The following LDB2 variants were observed in gnomAD, a reference collection of about 807,000 sequenced individuals.
LDB2 encodes LIM domain binding 2.
In LDB2, 12 loss-of-function variants were observed where a neutral mutation model predicts 44.3. The ratio of observed to expected loss-of-function variants is 0.27; its 90% CI spans 0.17 to 0.44. LDB2 has a LOEUF of 0.44. Among genes scored for constraint, LDB2 ranks in the 20% least tolerant of loss-of-function variants. The pLI, the probability that LDB2 is intolerant of heterozygous loss-of-function variation, is 1.00. For synonymous variants in LDB2, 164 were observed against 174.8 expected (o/e 0.94, Z 0.49); for missense variants, 344 against 473.5 (o/e 0.73, Z 2.54).
chr4:16,689,703 G>A (rs1750156391), intron 2 of LDB2, among the ~76,000 whole-genome samples: 1 of 152,298 alleles, frequency 6.6e-6, no homozygotes, highest in South Asian at 2.1e-4. Context: ...AAAAATATGG[G>A]ACCTAGGCCC....
chr4:16,567,031 G>A (rs1395883225), intron 5 of LDB2, among the ~76,000 whole-genome samples: 2 of 152,146 alleles, frequency 1.3e-5, no homozygotes, highest in Non-Finnish European at 2.9e-5. Flanking sequence ...TATGCTGCTG[G>A]TGTAACTGAA....
rs189893502 is a variant in LDB2, at chr4:16,766,799, G to T, written c.133-7539C>A. Among the ~76,000 whole-genome samples the T allele has an allele frequency of 1.1e-4, 16 of 151,946 alleles. No individual in the cohort carries two copies. In the East Asian group the frequency reaches 2.9e-3, roughly 28 times the overall value. On this transcript the variant is annotated intron_variant, in intron 1 of 7. Coordinates refer to ENST00000304523, the MANE Select transcript of LDB2 (RefSeq NM_001290.5). ...GGGATTACAGGCATGAGCGTGCTTG[G>T]CCCCAATTTATATATTGGGGTCTCT...
At chr4:16,649,928 T>G (rs1479324096) in intron 2 of LDB2, among the ~76,000 whole-genome samples, 2 of 152,228 alleles carry the variant, frequency 1.3e-5, no homozygotes, top group Non-Finnish European at 2.9e-5. Context: ...GCAAGTAATA[T>G]TCATATTTTC....
intron 5 of LDB2, among the ~76,000 whole-genome samples, chr4:16,532,163 T>C (rs1577428293): frequency 6.6e-6 from 1 of 152,182 alleles, no homozygotes. Flanking sequence ...ATTTTAGGTA[T>C]GCCAAAAAAG....
rs1193060149 is a variant in LDB2, at chr4:16,710,135, G to A, written c.235+49023C>T. On this transcript the variant is annotated intron_variant, in intron 2 of 7. Transcript: ENST00000304523. Reference sequence around the variant, plus strand: ...ACATATAAACAGAGAGTTTAAAGTGGAGACTGATGGGATGGGAAGAAGAAT... The same window carrying A: ...ACATATAAACAGAGAGTTTAAAGTGAAGACTGATGGGATGGGAAGAAGAAT... Among the ~76,000 whole-genome samples, 8 of 152,288 alleles carry A rather than the reference G, an allele frequency of 5.3e-5. No homozygotes were observed. In the East Asian group the frequency reaches 5.8e-4, roughly 11 times the overall value.
chr4:16,656,322 G>A lies in LDB2; in HGVS notation c.236-60447C>T, dbSNP rs374960397. On this transcript the variant is annotated intron_variant, in intron 2 of 7. Transcript: ENST00000304523. The stretch of plus-strand genomic sequence containing the variant: ...ATATTTGGGTTCTGAGTACCACAGA[G>A]TAGAAAAGCAGGGAGTCAGAAGGAG... Among the ~76,000 whole-genome samples the A allele has an allele frequency of 4.8e-4, 73 of 152,320 alleles. No individual in the cohort carries two copies. The East Asian group carries it at 0.013, about 28-fold the overall frequency.
intron 2 of LDB2, among the ~76,000 whole-genome samples, chr4:16,749,569 A>T (rs1401075929): frequency 5.8e-4 from 81 of 138,562 alleles, no homozygotes; most frequent in African/African-American, 9.9e-4. Flanking sequence ...AAAAAAAAAA[A>T]AAATAAAAAA....
intron 2 of LDB2, among the ~76,000 whole-genome samples, chr4:16,740,251 C>G (rs572713878): frequency 6.6e-6 from 1 of 152,268 alleles, no homozygotes. Context: ...TGCTAAGACA[C>G]AGTTTCCATC....
chr4:16,833,668 G>A (rs758273016), intron 1 of LDB2, among the ~76,000 whole-genome samples: 2 of 151,522 alleles, frequency 1.3e-5, no homozygotes, highest in Non-Finnish European at 2.9e-5. Flanking sequence ...TCAGCCTCCC[G>A]AGTAGCTGGG....
chr4:16,740,334 C>T lies in LDB2; in HGVS notation c.235+18824G>A, dbSNP rs572205355. On this transcript the variant is annotated intron_variant, in intron 2 of 7. Transcript: ENST00000304523. ...TTTTTGCATTCAGTTATATTCCTGG[C>T]GCATACTGCCCTAAACAGGCCACAT... is the stretch of plus-strand genomic sequence containing the variant. 2.4e-3 allele frequency among the ~76,000 whole-genome samples: 359 copies of T among 152,312 alleles called. 2 individuals are homozygous for T. Among genetic ancestry groups the T allele is most frequent in the Non-Finnish European group, 3.9e-3 (262 of 68,026 alleles).
chr4:16,651,066 A>T (rs1000960874), intron 2 of LDB2: 2 of 152,232 alleles, frequency 1.3e-5, no homozygotes, highest in Admixed American at 6.5e-5. Context: ...AAACAAAATG[A>T]AATTTTGCCT....
chr4:16,761,057 G>T (rs888925461), intron 1 of LDB2, among the ~76,000 whole-genome samples: 1 of 151,556 alleles, frequency 6.6e-6, no homozygotes, highest in Non-Finnish European at 1.5e-5. Context: ...GTACACAGGG[G>T]CTTTGTTTTG....
chr4:16,812,053 C>G (rs1474916519), intron 1 of LDB2, among the ~76,000 whole-genome samples: 1 of 152,212 alleles, frequency 6.6e-6, no homozygotes, highest in South Asian at 2.1e-4. Context: ...ATCTTGCACT[C>G]TATTACCTGG....
intron 5 of LDB2, among the ~76,000 whole-genome samples, chr4:16,547,032 C>G (rs886756028): frequency 2.6e-5 from 4 of 152,190 alleles, no homozygotes; most frequent in Non-Finnish European, 4.4e-5. Context: ...TGAGTGAACA[C>G]TATTTGAAAA....
chr4:16,515,260 G>C (rs1436183149), intron 5 of LDB2, among the ~76,000 whole-genome samples: 6 of 152,080 alleles, frequency 3.9e-5, no homozygotes, highest in African/African-American at 1.2e-4. Context: ...ACAAAGATGG[G>C]AACAATGACA....
intron 1 of LDB2, among the ~76,000 whole-genome samples, chr4:16,828,602 TCA>T (rs1215387536): frequency 6.6e-6 from 1 of 152,190 alleles, no homozygotes; most frequent in Admixed American, 6.5e-5. Flanking sequence ...TGTATCTCTC[TCA>T]GAGTTTGGAC....
intron 2 of LDB2, among the ~76,000 whole-genome samples, chr4:16,750,213 AT>A (rs1388597912): frequency 1.3e-5 from 2 of 152,176 alleles, no homozygotes; most frequent in African/African-American, 4.8e-5. Flanking sequence ...TATGCTGTAC[AT>A]TAGGTCTCTA....
chr4:16,829,058 C>T (rs747864390), intron 1 of LDB2, among the ~76,000 whole-genome samples: 35 of 152,112 alleles, frequency 2.3e-4, no homozygotes, highest in Non-Finnish European at 4.6e-4. Flanking sequence ...CATGCCCTAC[C>T]CACTCCCCTC....
At position 16,739,587 on chromosome 4, in the gene LDB2, AAAAT is replaced by A. The variant is rs1221051569; in HGVS notation, c.235+19567_235+19570del. Among the ~76,000 whole-genome samples the A allele has an allele frequency of 6.3e-4, 41 of 65,356 alleles. 7 individuals carry two copies. The highest frequency in any genetic ancestry group is 2.6e-3 in the African/African-American group (38 of 14,754). The allele number at this position is 65,356 out of a possible 152,430, so 42.9% of individuals were successfully genotyped here. A position where few individuals can be genotyped will look rare whatever the true frequency, so the allele number is the denominator to read the frequency against. ...GGTGACAGAGGGAAAAAAAAAAAAA[AAAAT>A]ATATATATATATATATATGTATATA... On this transcript the variant is annotated intron_variant, in intron 2 of 7. Coordinates refer to ENST00000304523, the MANE Select transcript of LDB2 (RefSeq NM_001290.5).
Sources: gnomAD v4.1 joint callset for allele counts (sites outside exome capture counted in the v4.1 genomes callset) on GRCh38, gnomAD v4.1.1 for gene constraint, MANE v1.5 for transcripts, NCBI Gene and HGNC (gene_info 2026-07-23, HGNC 2026-07-21) for gene names.